Variants in CNTNAP2 observed in about 807,000 individuals in gnomAD.
CNTNAP2 encodes the protein contactin associated protein 2.
Under a neutral mutation model 155.2 loss-of-function variants are expected in CNTNAP2, and 98 were observed. That is an observed-to-expected ratio of 0.63 (90% confidence interval 0.54 to 0.75). The LOEUF (loss-of-function observed/expected upper bound fraction) is 0.75. Among genes scored for constraint, CNTNAP2 ranks in the 30% least tolerant of loss-of-function variants. CNTNAP2 has a pLI of 0.00. For synonymous variants in CNTNAP2, 651 were observed against 631.2 expected (o/e 1.03, Z -0.47); for missense variants, 1,727 against 1,688.1 (o/e 1.02, Z -0.40).
intron 15 of CNTNAP2, among the ~76,000 whole-genome samples, chr7:147,981,116 T>C (rs1156403561): frequency 6.6e-6 from 1 of 152,176 alleles, no homozygotes; most frequent in Non-Finnish European, 1.5e-5. Context: ...AAATACTTCT[T>C]TGAAAATGGC....
intron 15 of CNTNAP2, among the ~76,000 whole-genome samples, chr7:148,027,121 A>T (rs16883782): frequency 0.24 from 36,873 of 152,122 alleles, 5,436 homozygotes; most frequent in East Asian, 0.48. Flanking sequence ...GAAAAGCAAG[A>T]GATTTCAGAT....
At chr7:147,703,403 A>G (rs912112068) in intron 13 of CNTNAP2, among the ~76,000 whole-genome samples, 1 of 152,204 alleles carries the variant, frequency 6.6e-6, no homozygotes, top group African/African-American at 2.4e-5. Flanking sequence ...TTAATAGCCA[A>G]CTATAGGGCC....
At chr7:147,331,488 C>T (rs1404963365) in intron 9 of CNTNAP2, among the ~76,000 whole-genome samples, 1 of 151,938 alleles carries the variant, frequency 6.6e-6, no homozygotes, top group African/African-American at 2.4e-5. Flanking sequence ...ACAGCATTAG[C>T]CGTGGCAACA....
Position 148,329,743 on chromosome 7 carries a change from C to T in CNTNAP2, c.3476-53906C>T, listed in dbSNP as rs1797953000. Among the ~76,000 whole-genome samples, 4 of 152,194 alleles carry T rather than the reference C, an allele frequency of 2.6e-5. No individual in the cohort carries two copies. In the South Asian group the frequency reaches 8.3e-4, roughly 31 times the overall value. On this transcript the variant is annotated intron_variant, in intron 21 of 23. Coordinates refer to ENST00000361727, the MANE Select transcript of CNTNAP2 (RefSeq NM_014141.6). ...TCATTCTCCCTCACAGATCTGAACC[C>T]TTGAGTATGTTGATTTTAATGACAG... is the stretch of plus-strand genomic sequence containing the variant.
At chr7:147,586,547 G>GGAAAGAAGGA (rs1563009757) in intron 12 of CNTNAP2, among the ~76,000 whole-genome samples, 6 of 21,308 alleles carry the variant, frequency 2.8e-4, no homozygotes, top group African/African-American at 1.5e-3. Flanking sequence ...GGAAGGAAGG[G>GGAAAGAAGGA]AGGGAGGGAG....
chr7:147,514,363 C>A (rs1257644991), intron 11 of CNTNAP2, among the ~76,000 whole-genome samples: 1 of 151,260 alleles, frequency 6.6e-6, no homozygotes, highest in Non-Finnish European at 1.5e-5. Flanking sequence ...TAAGTAAAAT[C>A]ATGTATTTTA....
intron 1 of CNTNAP2, among the ~76,000 whole-genome samples, chr7:146,305,039 C>G (rs940340295): frequency 1.3e-5 from 2 of 152,122 alleles, no homozygotes; most frequent in Non-Finnish European, 2.9e-5. Flanking sequence ...ATCACAGACA[C>G]CTTTTCTTCC....
intron 11 of CNTNAP2, among the ~76,000 whole-genome samples, chr7:147,510,297 A>G (rs1344050015): frequency 6.6e-6 from 1 of 152,162 alleles, no homozygotes; most frequent in Non-Finnish European, 1.5e-5. Flanking sequence ...TTGGCTGGCC[A>G]TTCCACCTTA....
intron 15 of CNTNAP2, among the ~76,000 whole-genome samples, chr7:148,001,373 C>T (rs1801893789): frequency 6.6e-6 from 1 of 152,180 alleles, no homozygotes; most frequent in South Asian, 2.1e-4. Context: ...GATTTGGTGG[C>T]AGTGACTCAC....
At chr7:146,637,925 A>T (rs1183776587) in intron 1 of CNTNAP2, among the ~76,000 whole-genome samples, 1 of 152,212 alleles carries the variant, frequency 6.6e-6, no homozygotes, top group Admixed American at 6.5e-5. Context: ...GATTTGTACA[A>T]ATTTGTATTA....
intron 1 of CNTNAP2, among the ~76,000 whole-genome samples, chr7:146,772,705 A>G (rs964750468): frequency 2.0e-5 from 3 of 151,962 alleles, no homozygotes; most frequent in African/African-American, 7.2e-5. Context: ...GAAAGGGGCC[A>G]TGGTGGCTAG....
chr7:146,253,629 TATTTAA>T (rs1799790852), intron 1 of CNTNAP2, among the ~76,000 whole-genome samples: 1 of 152,234 alleles, frequency 6.6e-6, no homozygotes, highest in Non-Finnish European at 1.5e-5. Flanking sequence ...ACATTTTTAA[TATTTAA>T]CAGAGAGATG....
intron 9 of CNTNAP2, among the ~76,000 whole-genome samples, chr7:147,341,430 A>G (rs560064497): frequency 3.3e-4 from 20 of 60,858 alleles, no homozygotes; most frequent in Non-Finnish European, 4.6e-4. Context: ...CAGAAATTAA[A>G]GTATAAAAAA....
intron 1 of CNTNAP2, among the ~76,000 whole-genome samples, chr7:146,224,125 A>C (rs60545693): frequency 6.6e-6 from 1 of 152,136 alleles, no homozygotes; most frequent in South Asian, 2.1e-4. Flanking sequence ...AAAAGCTTTC[A>C]CCAGTTAGGA....
chr7:147,963,897 C>T (rs1801159496), intron 14 of CNTNAP2, among the ~76,000 whole-genome samples: 1 of 152,052 alleles, frequency 6.6e-6, no homozygotes, highest in Admixed American at 6.6e-5. Flanking sequence ...AAATTTATTA[C>T]CATTTTTCAG....
intron 3 of CNTNAP2, among the ~76,000 whole-genome samples, chr7:147,025,951 C>T (rs1029333852): frequency 6.6e-6 from 1 of 151,898 alleles, no homozygotes; most frequent in African/African-American, 2.4e-5. Context: ...CCTCCGCCTC[C>T]TGGGCTCAAG....
chr7:148,311,486 A>G (rs1797594836), intron 21 of CNTNAP2, among the ~76,000 whole-genome samples: 1 of 152,146 alleles, frequency 6.6e-6, no homozygotes, highest in Non-Finnish European at 1.5e-5. Flanking sequence ...AGTAAAGAAT[A>G]GAACTTCGTC....
chr7:147,500,714 A>T (rs912748560), intron 11 of CNTNAP2, among the ~76,000 whole-genome samples: 44 of 152,360 alleles, frequency 2.9e-4, no homozygotes, highest in African/African-American at 1.0e-3. Flanking sequence ...AGCCCTTGCT[A>T]CATAAGAGAA....
At chr7:146,486,254 C>T (rs1249970135) in intron 1 of CNTNAP2, among the ~76,000 whole-genome samples, 4 of 151,526 alleles carry the variant, frequency 2.6e-5, no homozygotes, top group South Asian at 2.1e-4. Context: ...TTAGTAGAGA[C>T]GGGGTTTCAC....
Sources: gnomAD v4.1 joint callset for allele counts (sites outside exome capture counted in the v4.1 genomes callset) on GRCh38, gnomAD v4.1.1 for gene constraint, MANE v1.5 for transcripts, NCBI Gene and HGNC (gene_info 2026-07-23, HGNC 2026-07-21) for gene names.